The following MTUS1 variants were observed in gnomAD, a reference collection of about 807,000 sequenced individuals.
MTUS1 encodes microtubule-associated tumor suppressor 1.
MTUS1 carries 109 observed loss-of-function variants against 120.8 expected under a neutral mutation model. The observed-to-expected ratio is 0.90, with a 90% CI of 0.77 to 1.06. The LOEUF is 1.06. Ranked by LOEUF, MTUS1 falls within the 50% of genes least tolerant of loss-of-function variation. The pLI is 0.00. For missense variants in MTUS1, 2,210 were observed against 1,486.3 expected, an observed-to-expected ratio of 1.49 and a Z score of -8.01; for synonymous variants, 737 against 550.5, an observed-to-expected ratio of 1.34 and a Z score of -4.74.
chr8:17,714,265 G>C (rs1164020031), intron 5 of MTUS1, among the ~76,000 whole-genome samples: 1 of 152,038 alleles, frequency 6.6e-6, no homozygotes, highest in African/African-American at 2.4e-5. Flanking sequence ...TCAGTACAAA[G>C]AAAAGGTATT....
intron 6 of MTUS1, among the ~76,000 whole-genome samples, chr8:17,705,168 G>C (rs1180821146): frequency 2.0e-5 from 3 of 152,030 alleles, no homozygotes; most frequent in Non-Finnish European, 4.4e-5. Context: ...ATTTTTGGTA[G>C]AGATGGGGTC....
chr8:17,694,225 C>T (rs1404164701), intron 6 of MTUS1, among the ~76,000 whole-genome samples: 1 of 152,138 alleles, frequency 6.6e-6, no homozygotes, highest in Admixed American at 6.5e-5. Flanking sequence ...GTGGCACCAG[C>T]CAGGAAGAGC....
rs2050000978 is a variant in MTUS1, at chr8:17,771,248, GC to G, written c.-154-15288del. Among the ~76,000 whole-genome samples the G allele has an allele frequency of 3.3e-5, 5 of 152,258 alleles. No individual in the cohort carries two copies. In the South Asian group the frequency reaches 1.0e-3, roughly 32 times the overall value. On this transcript the variant is annotated intron_variant, in intron 1 of 14. Transcript: ENST00000693296. ...CTGAAAGATACATACCTTCTCATTA[GC>G]AGTGGTTCACCATCTCAGGTCAATG...
At chr8:17,707,703 G>C (rs1033068818) in intron 6 of MTUS1, among the ~76,000 whole-genome samples, 2 of 152,126 alleles carry the variant, frequency 1.3e-5, no homozygotes, top group African/African-American at 2.4e-5. Flanking sequence ...TCTTGAAAAA[G>C]AAAGACGTTG....
At chr8:17,686,270 A>T (rs185751852) in intron 6 of MTUS1, among the ~76,000 whole-genome samples, 1 of 152,346 alleles carries the variant, frequency 6.6e-6, no homozygotes, top group Non-Finnish European at 1.5e-5. Context: ...CACATTTTGG[A>T]AAGCGGATTA....
chr8:17,680,399 G>A (rs566313933), intron 7 of MTUS1, among the ~76,000 whole-genome samples: 1 of 149,906 alleles, frequency 6.7e-6, no homozygotes, highest in African/African-American at 2.5e-5. Flanking sequence ...AGGTGGCGGA[G>A]GTTGCAGTGA....
rs1812900254 is a variant in MTUS1, at chr8:17,675,426, G to C, written c.2839-174C>G. Among the ~76,000 whole-genome samples the C allele has an allele frequency of 3.3e-5, 5 of 152,286 alleles. No individual in the cohort carries two copies. In the South Asian group the frequency reaches 1.0e-3, roughly 32 times the overall value. On this transcript the variant is annotated intron_variant, in intron 7 of 14. Transcript: ENST00000693296. ...ACACAGTTGTCCCTTAGCTGTTAAGGAAATTCGTAATTCAAAAATCTGTAT... is the reference window on the plus strand; with the variant it reads ...ACACAGTTGTCCCTTAGCTGTTAAGCAAATTCGTAATTCAAAAATCTGTAT...
chr8:17,777,550 A>G (rs2050552108), intron 1 of MTUS1, among the ~76,000 whole-genome samples: 1 of 152,180 alleles, frequency 6.6e-6, no homozygotes, highest in African/African-American at 2.4e-5. Flanking sequence ...CACACCCAAA[A>G]GCAGAGAAAG....
In MTUS1 at chr8:17,644,966, G is replaced by A. The variant is rs1393971311; in HGVS notation, c.*960C>T. 6.6e-6 allele frequency: 1 copy of A among 152,268 alleles called. No individual in the cohort carries two copies. Among genetic ancestry groups the A allele is most frequent in the South Asian group, 2.1e-4 (1 of 4,800 alleles). 9.4% of individuals were successfully genotyped at this position (152,268 alleles called of 1,614,324 possible). The stretch of plus-strand genomic sequence containing the variant: ...AAAAGGAAAATGAGAATAATGGGAG[G>A]GAAGAAGACAGGTTAAATCTGCAAG... On this transcript the variant is annotated 3_prime_UTR_variant, in exon 15 of 15. Transcript: ENST00000693296.
chr8:17,647,434 A>G (rs1443184485), intron 13 of MTUS1, among the ~76,000 whole-genome samples: 5 of 150,320 alleles, frequency 3.3e-5, no homozygotes, highest in African/African-American at 1.2e-4. Context: ...AAGCTTATCT[A>G]TCTCCTTACG....
At chr8:17,752,527 G>A (rs2048278776) in intron 2 of MTUS1, among the ~76,000 whole-genome samples, 2 of 152,156 alleles carry the variant, frequency 1.3e-5, no homozygotes, top group South Asian at 2.1e-4. Flanking sequence ...AGAGAAGACT[G>A]GTTGTTAAAG....
chr8:17,655,712 C>CA (rs1390781368), intron 9 of MTUS1, 151 bp downstream of exon 9: 1 of 692,058 alleles, frequency 1.4e-6, no homozygotes, highest in Non-Finnish European at 2.4e-6. Context: ...GCCTGGGAGA[C>CA]AGAGTGGGAC....
intron 7 of MTUS1, among the ~76,000 whole-genome samples, chr8:17,677,905 AT>A (rs1339394396): frequency 1.3e-5 from 2 of 152,212 alleles, no homozygotes; most frequent in Non-Finnish European, 2.9e-5. Flanking sequence ...AGCATTTTTC[AT>A]AGCAGATGCT....
At chr8:17,750,113 G>C (rs2048077054) in intron 2 of MTUS1, among the ~76,000 whole-genome samples, 1 of 152,138 alleles carries the variant, frequency 6.6e-6, no homozygotes, top group Admixed American at 6.5e-5. Context: ...TAAATCTCAA[G>C]TGTTAATTTC....
At chr8:17,717,910 C>T (rs1445943359) in intron 4 of MTUS1, among the ~76,000 whole-genome samples, 2 of 152,234 alleles carry the variant, frequency 1.3e-5, no homozygotes, top group Non-Finnish European at 2.9e-5. Context: ...AAAATGTCTG[C>T]GTTTGACTCA....
intron 4 of MTUS1, 57 bp from the exon 5 acceptor site, chr8:17,715,958 C>G: frequency 3.3e-6 from 5 of 1,521,946 alleles, no homozygotes; most frequent in Non-Finnish European, 4.5e-6. Flanking sequence ...TTTCGACCTT[C>G]CACATTTATT....
chr8:17,705,085 C>G (rs181458430), intron 6 of MTUS1, among the ~76,000 whole-genome samples: 2 of 152,164 alleles, frequency 1.3e-5, no homozygotes, highest in Admixed American at 1.3e-4. Flanking sequence ...CTGGGTTCAA[C>G]GATTCTTCTG....
intron 1 of MTUS1, among the ~76,000 whole-genome samples, chr8:17,785,318 T>C (rs1030919595): frequency 3.9e-5 from 6 of 152,124 alleles, no homozygotes; most frequent in Admixed American, 1.3e-4. Context: ...GGCTCCACTG[T>C]TACAGATATG....
chr8:17,767,845 G>A (rs1262892805), intron 1 of MTUS1, among the ~76,000 whole-genome samples: 2 of 152,296 alleles, frequency 1.3e-5, no homozygotes, highest in South Asian at 4.1e-4. Context: ...ATGGGAGTCT[G>A]CCAAAGGAGT....
Sources: gnomAD v4.1 joint callset for allele counts (sites outside exome capture counted in the v4.1 genomes callset) on GRCh38, gnomAD v4.1.1 for gene constraint, MANE v1.5 for transcripts, NCBI Gene and HGNC (gene_info 2026-07-23, HGNC 2026-07-21) for gene names.